DBH: variants seen among roughly 807,000 people sequenced by gnomAD.
The protein encoded by DBH is dopamine beta-hydroxylase (dopamine beta-monooxygenase).
DBH carries 49 observed loss-of-function variants against 64.0 expected under a neutral mutation model. That is an observed-to-expected ratio of 0.77 (90% CI 0.61 to 0.97). The LOEUF (loss-of-function observed/expected upper bound fraction) is 0.97. Among genes scored for constraint, DBH ranks in the 50% least tolerant of loss-of-function variants. The probability of loss-of-function intolerance (pLI) is 0.00; values close to 1 mark genes in which losing one functional copy is unlikely to be tolerated. For synonymous variants in DBH, 343 were observed against 347.1 expected (o/e 0.99, Z 0.13); for missense variants, 828 against 826.6 (o/e 1.00, Z -0.02).
chr9:133,656,772 C>T lies in DBH; in HGVS notation c.1562+122C>T, dbSNP rs190971408. On this transcript the variant is annotated intron_variant, in intron 10 of 11. Coordinates refer to ENST00000393056, the MANE Select transcript of DBH (RefSeq NM_000787.4). Reference sequence around the variant, plus strand: ...AAGTTCTAGGAGCAGAGACCTGTGGCGGCATCACTCACCCCTCCCCTCACT... The same window carrying T: ...AAGTTCTAGGAGCAGAGACCTGTGGTGGCATCACTCACCCCTCCCCTCACT... 84 of 1,262,850 alleles carry T rather than the reference C, an allele frequency of 6.7e-5. No homozygotes were observed. In the African/African-American group the frequency reaches 8.2e-4, roughly 12 times the overall value. 78.2% of individuals were successfully genotyped at this position (1,262,850 alleles called of 1,614,324 possible). A position where few individuals can be genotyped will look rare whatever the true frequency, so the allele number is the denominator to read the frequency against.
Position 133,643,726 on chromosome 9 carries a change from C to A in DBH, c.921+137C>A. ...GGGGCTCACGAGGCCACCAGAAGGG[C>A]CAGGCCTGAGGTGGCCCCCTCGCCT... is the stretch of plus-strand genomic sequence containing the variant. On this transcript the variant is annotated intron_variant, in intron 4 of 11. Transcript: ENST00000393056. The surrounding 1 kb of genome is among the most constrained non-coding windows in gnomAD (Gnocchi z 5.3). The A allele has an allele frequency of 3.1e-6, 3 of 978,196 alleles. No homozygotes were observed. The highest frequency in any genetic ancestry group is 2.4e-5 in the Admixed American group (1 of 41,598). 60.6% of individuals were successfully genotyped at this position (978,196 alleles called of 1,614,324 possible).
intron 9 of DBH, 63 bp from the exon 10 acceptor site, chr9:133,656,443 ACGTGGGTGCGGCGAAAG>A: frequency 6.3e-7 from 1 of 1,596,568 alleles, no homozygotes; most frequent in Non-Finnish European, 8.6e-7. Flanking sequence ...CGCAGTGTAC[ACGTGGGTGCGGCGAAAG>A]CTGCTGGATG....
chr9:133,652,293 C>T lies in DBH; in HGVS notation c.1374+9C>T, dbSNP rs1332539268. On this transcript the variant is annotated intron_variant, in intron 8 of 11. Coordinates refer to ENST00000393056, the MANE Select transcript of DBH (RefSeq NM_000787.4). ...TCGTGTCGGTCCATCCGGTGAGTGC[C>T]CAGCGGGAAGGCTGTCCCACTCACT... 1.2e-6 allele frequency: 2 copies of T among 1,613,036 alleles called. No individual in the cohort carries two copies. Among genetic ancestry groups the T allele is most frequent in the South Asian group, 2.2e-5 (2 of 91,076 alleles).
At chr9:133,647,724 G>C (rs538394186) in intron 5 of DBH, 122 bp from the exon 6 acceptor site, 12 of 1,210,284 alleles carry the variant, frequency 9.9e-6, no homozygotes, top group Non-Finnish European at 1.3e-5. Flanking sequence ...GGAGCAGATG[G>C]GGGGTGACCG....
At chr9:133,650,812 TGCTG>T (rs1832240154) in intron 6 of DBH, among the ~76,000 whole-genome samples, 1 of 152,098 alleles carries the variant, frequency 6.6e-6, no homozygotes, top group Admixed American at 6.6e-5. Context: ...CCTCCCAAAG[TGCTG>T]GGATTACAAG....
chr9:133,648,984 A>C (rs1588350990), intron 6 of DBH, among the ~76,000 whole-genome samples: 1 of 152,246 alleles, frequency 6.6e-6, no homozygotes. Flanking sequence ...AATGCCCCTC[A>C]GAAAGCCCAT....
intron 10 of DBH, 125 bp downstream of exon 10, chr9:133,656,775 C>T (rs182674642): frequency 5.8e-5 from 71 of 1,228,168 alleles, no homozygotes; most frequent in Middle Eastern, 2.7e-4. Context: ...CCTGTGGCGG[C>T]ATCACTCACC....
In DBH at chr9:133,639,955, C is replaced by T. The variant is rs1207100506; in HGVS notation, c.449C>T (p.Pro150Leu). Residue 150 changes from proline (P) to leucine (L), a missense_variant, in exon 2 of 12, where the codon CCC (proline) becomes CTC (leucine). Physicochemically the swap from Pro to Leu is moderately conservative, Grantham distance 98 (BLOSUM62 -3). Transcript: ENST00000393056. ...GGCCTGACCCTGCTTTTCAAGAGGC[C>T]CTTTGGCACCTGCGACCCCAAGGAT... ...PEGLTLLFKRPFGTCDPKDYL... is the reference protein window; with the variant it reads ...PEGLTLLFKRLFGTCDPKDYL... 1.2e-6 allele frequency: 2 copies of T among 1,613,922 alleles called. No individual in the cohort carries two copies. Among genetic ancestry groups the T allele is most frequent in the African/African-American group, 1.3e-5 (1 of 75,048 alleles).
At chr9:133,638,388 A>G (rs567592683) in intron 1 of DBH, among the ~76,000 whole-genome samples, 1 of 152,354 alleles carries the variant, frequency 6.6e-6, no homozygotes, top group South Asian at 2.1e-4. Context: ...CAAGGAAATG[A>G]AGAAAAGATG....
At chr9:133,650,648 A>C (rs576205164) in intron 6 of DBH, among the ~76,000 whole-genome samples, 1 of 150,412 alleles carries the variant, frequency 6.6e-6, no homozygotes, top group African/African-American at 2.4e-5. Context: ...CCCGGGTTCA[A>C]GTGATTCTCC....
At position 133,658,790 on chromosome 9, in the gene DBH, TCTGGGACAGG is replaced by T. The variant is rs1832371331; in HGVS notation, c.*345_*354del. The T allele has an allele frequency of 5.5e-6, 1 of 182,204 alleles. No individual in the cohort carries two copies. Among genetic ancestry groups the T allele is most frequent in the Non-Finnish European group, 1.1e-5 (1 of 88,014 alleles). 11.3% of individuals were successfully genotyped at this position (182,204 alleles called of 1,614,324 possible). A position where few individuals can be genotyped will look rare whatever the true frequency, so the allele number is the denominator to read the frequency against. On this transcript the variant is annotated 3_prime_UTR_variant, in exon 12 of 12. Coordinates refer to ENST00000393056, the MANE Select transcript of DBH (RefSeq NM_000787.4). ...CCGCCTCACTGGGTGTGGCCTGGCTTCTGGGACAGGCACCATGCTGGGCCGGGGTGTGGAA... is the reference window on the plus strand; with the variant it reads ...CCGCCTCACTGGGTGTGGCCTGGCTTCACCATGCTGGGCCGGGGTGTGGAA...
intron 9 of DBH, among the ~76,000 whole-genome samples, chr9:133,654,094 G>C (rs7851898): frequency 0.33 from 49,454 of 151,598 alleles, 8,427 homozygotes; most frequent in East Asian, 0.47. Flanking sequence ...CAGACTGCCA[G>C]TGGTTTATTT....
intron 2 of DBH, 80 bp downstream of exon 2, chr9:133,640,072 T>C: frequency 6.4e-7 from 1 of 1,566,940 alleles, no homozygotes; most frequent in Non-Finnish European, 8.7e-7. Flanking sequence ...TCATAGTACC[T>C]TTCCTGTCCC....
chr9:133,656,175 C>T (rs563571611), intron 9 of DBH: 12 of 345,628 alleles, frequency 3.5e-5, no homozygotes, highest in Admixed American at 7.9e-5. Context: ...GCTGTGCCAC[C>T]GATGCTGTGG....
At chr9:133,647,753 G>A (rs1258365822) in intron 5 of DBH, 93 bp from the exon 6 acceptor site, 1 of 1,498,594 alleles carries the variant, frequency 6.7e-7, no homozygotes, top group African/African-American at 1.4e-5. Flanking sequence ...TCCTGGCTGA[G>A]GGTGGCTGGG....
At chr9:133,656,358 G>A (rs931522555) in intron 9 of DBH, 165 bp from the exon 10 acceptor site, 2 of 834,048 alleles carry the variant, frequency 2.4e-6, no homozygotes, top group African/African-American at 1.7e-5. Flanking sequence ...TCCTGCCAAT[G>A]GTGGCAATTC....
intron 9 of DBH, among the ~76,000 whole-genome samples, chr9:133,654,389 G>A (rs1832288626): frequency 1.3e-5 from 2 of 152,202 alleles, no homozygotes; most frequent in Non-Finnish European, 1.5e-5. Context: ...GCCAGTGTTT[G>A]TATTTTCACA....
intron 1 of DBH, among the ~76,000 whole-genome samples, chr9:133,639,135 G>A (rs1832086562): frequency 6.6e-6 from 1 of 151,096 alleles, no homozygotes; most frequent in Non-Finnish European, 1.5e-5. Context: ...GCTCATGCCT[G>A]TAATTCCAGC....
At chr9:133,654,701 C>G (rs1479882919) in intron 9 of DBH, 1 of 152,330 alleles carries the variant, frequency 6.6e-6, no homozygotes, top group Non-Finnish European at 1.5e-5. Context: ...CCTAACCACA[C>G]CAAGCCTTGC....
Sources: allele counts gnomAD v4.1 joint callset (sites outside exome capture counted in the v4.1 genomes callset), GRCh38; gene constraint gnomAD v4.1.1; non-coding constraint Gnocchi (gnomAD v3.1); transcripts MANE v1.5; gene names NCBI Gene and HGNC (gene_info 2026-07-23, HGNC 2026-07-21).